The following PDE4D variants were observed in gnomAD, a reference collection of about 807,000 sequenced individuals.
PDE4D encodes phosphodiesterase 4D, also known as 3',5'-cyclic-AMP phosphodiesterase 4D.
Under a neutral mutation model 87.4 loss-of-function variants are expected in PDE4D, and 24 were observed. The observed-to-expected ratio is 0.27, with a 90% CI of 0.20 to 0.39. The LOEUF is 0.39. Among genes scored for constraint, PDE4D ranks in the 10% least tolerant of loss-of-function variants. PDE4D has a pLI of 1.00. For synonymous variants in PDE4D, 384 were observed against 383.2 expected (o/e 1.00, Z -0.02); for missense variants, 714 against 1,041.0 (o/e 0.69, Z 4.32).
chr5:59,687,106 C>A (rs923655163), intron 1 of PDE4D, among the ~76,000 whole-genome samples: 3 of 152,036 alleles, frequency 2.0e-5, no homozygotes, highest in Non-Finnish European at 2.9e-5. Context: ...ATACTCAGCA[C>A]CTCAAATTCA....
intron 1 of PDE4D, among the ~76,000 whole-genome samples, chr5:59,660,995 A>C (rs562113936): frequency 6.6e-6 from 1 of 151,286 alleles, no homozygotes; most frequent in Admixed American, 6.6e-5. Flanking sequence ...TGCTGAAAGG[A>C]TACAGGAGAA....
chr5:59,590,097 A>G (rs1479991709), intron 1 of PDE4D, among the ~76,000 whole-genome samples: 1 of 152,226 alleles, frequency 6.6e-6, no homozygotes, highest in African/African-American at 2.4e-5. Context: ...GGCAACAAAT[A>G]TAAAAGAATA....
chr5:59,487,570 A>G (rs1805378356), intron 1 of PDE4D, among the ~76,000 whole-genome samples: 1 of 152,082 alleles, frequency 6.6e-6, no homozygotes, highest in East Asian at 1.9e-4. Context: ...CTATTTGATT[A>G]AATGCACAGT....
At chr5:60,232,043 T>C (rs1333297266) in intron 1 of PDE4D, among the ~76,000 whole-genome samples, 1 of 151,928 alleles carries the variant, frequency 6.6e-6, no homozygotes, top group Non-Finnish European at 1.5e-5. Flanking sequence ...GGCTTTTTAT[T>C]TTCACAGATA....
intron 2 of PDE4D, among the ~76,000 whole-genome samples, chr5:59,208,612 T>C (rs988692424): frequency 1.4e-5 from 2 of 145,840 alleles, no homozygotes; most frequent in African/African-American, 5.0e-5. Context: ...AACATCAGGA[T>C]TTCATTTTTA....
At chr5:59,103,723 T>TG (rs773747949) in intron 5 of PDE4D, among the ~76,000 whole-genome samples, 8 of 152,210 alleles carry the variant, frequency 5.3e-5, no homozygotes, top group Non-Finnish European at 1.0e-4. Flanking sequence ...TCATTTTTCA[T>TG]GGAACAGATC....
At chr5:59,001,336 A>T (rs1233894482) in intron 6 of PDE4D, among the ~76,000 whole-genome samples, 2 of 152,170 alleles carry the variant, frequency 1.3e-5, no homozygotes, top group East Asian at 3.9e-4. Context: ...CTGACATTTA[A>T]CTATTTCCAC....
chr5:59,988,544 G>T (rs774507089), exon 3 of PDE4D: 9 of 1,599,226 alleles, frequency 5.6e-6, no homozygotes, highest in Admixed American at 1.7e-5. Context: ...GGGGGAGGCT[G>T]GTTGGTCGTT....
rs10693866 is a variant in PDE4D, at chr5:59,215,552, CGTGT to C, written c.647+221_647+224del. The C allele has an allele frequency of 0.11, 41,152 of 359,008 alleles. 823 individuals carry two copies. The highest frequency in any genetic ancestry group is 0.18 in the East Asian group (3,213 of 18,310). 22.2% of individuals were successfully genotyped at this position (359,008 alleles called of 1,614,324 possible). A position where few individuals can be genotyped will look rare whatever the true frequency, so the allele number is the denominator to read the frequency against. On this transcript the variant is annotated intron_variant, in intron 2 of 14. Transcript: ENST00000340635. Reference sequence around the variant, plus strand: ...TATTTTCTGGGAAAATAAATACATGCGTGTGTGTGTGTGTGTGTGTGTGTGTGTG... The same window carrying C: ...TATTTTCTGGGAAAATAAATACATGCGTGTGTGTGTGTGTGTGTGTGTGTG...
intron 5 of PDE4D, chr5:59,039,548 G>A (rs1759253251): frequency 1.1e-5 from 11 of 982,952 alleles, no homozygotes; most frequent in Non-Finnish European, 1.3e-5. Flanking sequence ...TCGGGCGGCA[G>A]GCGCAGCGCG....
intron 1 of PDE4D, among the ~76,000 whole-genome samples, chr5:60,201,999 A>C (rs1741972839): frequency 6.6e-6 from 1 of 152,234 alleles, no homozygotes; most frequent in Non-Finnish European, 1.5e-5. Flanking sequence ...GCCAGAATAA[A>C]GTCCAGATGA....
intron 1 of PDE4D, among the ~76,000 whole-genome samples, chr5:59,565,466 C>T (rs562736989): frequency 6.6e-6 from 1 of 152,234 alleles, no homozygotes; most frequent in East Asian, 1.9e-4. Flanking sequence ...CTACAGTGAG[C>T]CATAACTGCA....
chr5:59,419,565 A>G (rs1447492799), intron 1 of PDE4D, among the ~76,000 whole-genome samples: 1 of 152,208 alleles, frequency 6.6e-6, no homozygotes, highest in East Asian at 1.9e-4. Context: ...TGTGCATTAT[A>G]TAAAATAAAT....
At chr5:60,041,981 G>A (rs1261051240) in intron 2 of PDE4D, among the ~76,000 whole-genome samples, 2 of 152,054 alleles carry the variant, frequency 1.3e-5, no homozygotes, top group African/African-American at 2.4e-5. Context: ...TGGAAAGGGG[G>A]CTGAAACCAA....
chr5:59,332,455 T>A (rs560228379), intron 1 of PDE4D, among the ~76,000 whole-genome samples: 4 of 152,296 alleles, frequency 2.6e-5, no homozygotes, highest in African/African-American at 9.6e-5. Context: ...TCTTAGATAA[T>A]GTCTAGTTTA....
At chr5:59,054,955 A>G (rs951620840) in intron 5 of PDE4D, among the ~76,000 whole-genome samples, 7 of 152,278 alleles carry the variant, frequency 4.6e-5, no homozygotes, top group Admixed American at 2.6e-4. Context: ...AGAACACATA[A>G]AAAGATTTCA....
intron 1 of PDE4D, among the ~76,000 whole-genome samples, chr5:59,258,726 T>C (rs1396178780): frequency 2.0e-5 from 3 of 148,678 alleles, no homozygotes; most frequent in Non-Finnish European, 4.5e-5. Flanking sequence ...TATATAGATA[T>C]ATATATCAGT....
chr5:59,829,235 T>C (rs1581299300), intron 1 of PDE4D, among the ~76,000 whole-genome samples: 1 of 151,876 alleles, frequency 6.6e-6, no homozygotes, highest in Non-Finnish European at 1.5e-5. Flanking sequence ...TTGTGAAAAA[T>C]AGCACACATT....
At chr5:59,524,753 T>A (rs918650904) in intron 1 of PDE4D, among the ~76,000 whole-genome samples, 15 of 152,140 alleles carry the variant, frequency 9.9e-5, no homozygotes, top group African/African-American at 3.4e-4. Flanking sequence ...GTCCCCCTGC[T>A]CTGTGCAACC....
Sources: allele counts gnomAD v4.1 joint callset (sites outside exome capture counted in the v4.1 genomes callset), GRCh38; gene constraint gnomAD v4.1.1; transcripts MANE v1.5; gene names NCBI Gene and HGNC (gene_info 2026-07-23, HGNC 2026-07-21).